The following C1RL variants were observed in gnomAD, a reference collection of about 807,000 sequenced individuals.
The protein encoded by C1RL is complement C1r subcomponent-like protein.
In C1RL, 27 loss-of-function variants were observed where a neutral mutation model predicts 27.9. The ratio of observed to expected loss-of-function variants is 0.97; its 90% confidence interval spans 0.71 to 1.33. C1RL has a LOEUF of 1.33. Among genes scored for constraint, C1RL ranks in the 40% most tolerant of loss-of-function variants. C1RL has a pLI of 0.00. For synonymous variants in C1RL, 248 were observed against 252.1 expected, an observed-to-expected ratio of 0.98 and a Z score of 0.15; for missense variants, 563 against 623.9, an observed-to-expected ratio of 0.90 and a Z score of 1.04.
At position 7,101,963 on chromosome 12, in the gene C1RL, T is replaced by C. The variant is rs1938639167; in HGVS notation, c.425A>G (p.Gln142Arg). ...GGCAGTCTTGTTCTCCGAGGAAGGC[T>C]GTGTGCGGAAGGTCAGCCGCAAACT... ...GRSLRLTFRT[Q>R]PSSENKTAHL... Residue 142 changes from glutamine (Q) to arginine (R), a missense_variant, in exon 3 of 6, where the codon CAG becomes CGG. Coordinates refer to ENST00000266542, the MANE Select transcript of C1RL (RefSeq NM_016546.4). 6 of 1,614,240 alleles carry C rather than the reference T, an allele frequency of 3.7e-6. No homozygotes were observed. The highest frequency in any genetic ancestry group is 5.1e-6 in the Non-Finnish European group (6 of 1,180,042).
At chr12:7,101,807 G>T in intron 3 of C1RL, 91 bp downstream of exon 3, 2 of 1,369,652 alleles carry the variant, frequency 1.5e-6, no homozygotes, top group Non-Finnish European at 2.1e-6. Context: ...AGCCTCAGCT[G>T]TCACTCAAGC....
At chr12:7,100,740 C>T (rs1938592187) in intron 3 of C1RL, among the ~76,000 whole-genome samples, 1 of 152,024 alleles carries the variant, frequency 6.6e-6, no homozygotes, top group African/African-American at 2.4e-5. Flanking sequence ...TGAGAAGAGA[C>T]TGCGCCACTG....
chr12:7,106,980 A>G (rs1252875357), intron 2 of C1RL, among the ~76,000 whole-genome samples: 1 of 152,188 alleles, frequency 6.6e-6, no homozygotes, highest in Non-Finnish European at 1.5e-5. Context: ...CTTATCTTCT[A>G]TACTGTAGTT....
intron 2 of C1RL, among the ~76,000 whole-genome samples, chr12:7,105,873 A>C (rs1454078154): frequency 1.3e-5 from 2 of 152,236 alleles, no homozygotes; most frequent in Non-Finnish European, 2.9e-5. Context: ...AAAGATGAGA[A>C]AATTTCCCAG....
At chr12:7,101,108 T>C (rs1938607990) in intron 3 of C1RL, among the ~76,000 whole-genome samples, 1 of 17,264 alleles carries the variant, frequency 5.8e-5, no homozygotes, top group African/African-American at 2.2e-4. Context: ...CCTCCTTCCT[T>C]CCCTCCCTCC....
intron 5 of C1RL, 144 bp downstream of exon 5, chr12:7,099,542 C>G: frequency 2.1e-6 from 3 of 1,406,542 alleles, no homozygotes; most frequent in Non-Finnish European, 2.8e-6. Context: ...CTTTTCTGGG[C>G]CTTCTTGATT....
intron 3 of C1RL, 135 bp from the exon 4 acceptor site, chr12:7,100,161 G>GT: frequency 1.1e-6 from 1 of 872,422 alleles, no homozygotes; most frequent in East Asian, 2.7e-5. Context: ...ATTTGAGTTC[G>GT]TTTTCACTGA....
chr12:7,101,316 G>T (rs1264625776), intron 3 of C1RL, among the ~76,000 whole-genome samples: 1 of 149,068 alleles, frequency 6.7e-6, no homozygotes, highest in Admixed American at 6.7e-5. Flanking sequence ...TGTCTCCCAG[G>T]CTGGAGTGCG....
At chr12:7,102,316 A>G (rs760752581) in intron 2 of C1RL, among the ~76,000 whole-genome samples, 4 of 152,166 alleles carry the variant, frequency 2.6e-5, no homozygotes, top group Non-Finnish European at 4.4e-5. Flanking sequence ...TCTTTAGCCT[A>G]CCATAATTAT....
At position 7,096,804 on chromosome 12, in the gene C1RL, G is replaced by C; in HGVS notation, c.1051C>G (p.Leu351Val). The stretch of plus-strand genomic sequence containing the variant: ...CAGACCGGGAGGACGTTGGGGCCCA[G>C]GGGGATGCTGTGCTGCAGCTCCAGG... The part of the protein sequence containing the change: ...ALLELQHSIP[L>V]GPNVLPVCLP... The change falls in exon 6 of 6, where the codon CTG (leucine) becomes GTG (valine). Residue 351 changes from leucine (L) to valine (V), a missense_variant. Physicochemically the swap from Leu to Val is conservative, Grantham distance 32 (BLOSUM62 1). Transcript: ENST00000266542. 1 of 1,605,390 alleles carries C rather than the reference G, an allele frequency of 6.2e-7. No homozygotes were observed. Among genetic ancestry groups the C allele is most frequent in the Non-Finnish European group, 8.5e-7 (1 of 1,175,220 alleles).
chr12:7,099,225 C>CAAAAAAAAAAAAA (rs1180325788), intron 5 of C1RL, among the ~76,000 whole-genome samples: 3 of 44,392 alleles, frequency 6.8e-5, no homozygotes, highest in African/African-American at 2.5e-4. Flanking sequence ...AACTCCATCC[C>CAAAAAAAAAAAAA]AAAAAAAAAA....
In C1RL at chr12:7,097,176, C is replaced by G. The variant is rs146218605; in HGVS notation, c.692-13G>C. The G allele has an allele frequency of 6.9e-4, 1,099 of 1,585,976 alleles. 6 individuals carry two copies. In the African/African-American group the frequency reaches 0.011, roughly 16 times the overall value. On this transcript the variant is annotated splice_polypyrimidine_tract_variant and intron_variant, in intron 5 of 5. Transcript: ENST00000266542. ...GGCCGTCCGCAGACTGGGAGAGAGG[C>G]GGGGTAGGGGTGACAGTCAGCAGCT...
At chr12:7,107,163 T>C (rs1024114015) in intron 2 of C1RL, among the ~76,000 whole-genome samples, 2 of 151,568 alleles carry the variant, frequency 1.3e-5, no homozygotes, top group African/African-American at 4.9e-5. Flanking sequence ...CATAAACCTT[T>C]TTAAAAACCT....
In C1RL at chr12:7,100,016, A is replaced by G; in HGVS notation, c.501T>C (p.Tyr167=). Residue 167 remains tyrosine (Y), a synonymous_variant, in exon 4 of 6, where the codon TAT becomes TAC. Coordinates refer to ENST00000266542, the MANE Select transcript of C1RL (RefSeq NM_016546.4). The stretch of plus-strand genomic sequence containing the variant: ...TGCTGGCCTCGCTGATGGGCTGACT[A>G]TAGTTCACAGCTATAGGAAAACAGC... The part of the protein sequence containing the change: ...LALYQTVAVN[Y]SQPISEASRG... The G allele has an allele frequency of 1.9e-6, 3 of 1,612,420 alleles. No homozygotes were observed. The highest frequency in any genetic ancestry group is 1.1e-5 in the South Asian group (1 of 90,576).
At chr12:7,100,072 A>C in intron 3 of C1RL, 46 bp from the exon 4 acceptor site, 1 of 1,567,324 alleles carries the variant, frequency 6.4e-7, no homozygotes, top group Non-Finnish European at 8.7e-7. Flanking sequence ...CTGGCAACCC[A>C]GGGGCTGATT....
Position 7,096,680 on chromosome 12 carries a change from G to A in C1RL, c.1175C>T (p.Ser392Leu), listed in dbSNP as rs765988783. ...CTCCCTGGGAGCTACAGGCAGCCTC[G>A]AGTACTTCAGCTCAGTAGTTAGCCA... is the stretch of plus-strand genomic sequence containing the variant. The part of the protein sequence containing the change: ...MGWLTTELKY[S>L]RLPVAPREAC... Residue 392 changes from serine (S) to leucine (L), a missense_variant, in exon 6 of 6, where the codon TCG becomes TTG. Physicochemically the swap from Ser to Leu is moderately radical, Grantham distance 145. Transcript: ENST00000266542. The A allele has an allele frequency of 5.6e-6, 9 of 1,614,092 alleles. No individual in the cohort carries two copies. The highest frequency in any genetic ancestry group is 2.2e-5 in the East Asian group (1 of 44,862).
intron 5 of C1RL, 82 bp from the exon 6 acceptor site, chr12:7,097,245 G>T: frequency 7.7e-7 from 1 of 1,302,516 alleles, no homozygotes; most frequent in Non-Finnish European, 1.0e-6. Context: ...CTGAAGTGCT[G>T]TGGTAGGGGA....
rs751217958 is a variant in C1RL at position 7,097,087 on chromosome 12, G to T, written c.768C>A (p.Phe256Leu). 33 of 1,614,112 alleles carry T rather than the reference G, an allele frequency of 2.0e-5. No individual in the cohort carries two copies. The highest frequency in any genetic ancestry group is 2.6e-5 in the Non-Finnish European group (31 of 1,179,990). The change falls in exon 6 of 6, where the codon TTC (phenylalanine) becomes TTA (leucine). Residue 256 changes from phenylalanine to leucine, a missense_variant. Coordinates refer to ENST00000266542, the MANE Select transcript of C1RL (RefSeq NM_016546.4). ...GGATACTGGTGAAGGCTTGCCAGGG[G>T]AAGTTGCCCAGCTTGGCTCTGGAAG... ...LGSSRAKLGNFPWQAFTSIHG... is the reference protein window; with the variant it reads ...LGSSRAKLGNLPWQAFTSIHG...
In C1RL at chr12:7,102,078, C is replaced by T. The variant is rs200941119; in HGVS notation, c.310G>A (p.Val104Ile). Residue 104 changes from valine (V) to isoleucine (I), a missense_variant, in exon 3 of 6, where the codon GTC becomes ATC. Transcript: ENST00000266542. ...CAGAACTGGCTTGGATCCGAACCGA[C>T]GAATGAGATCTGAAAGCGGGAGGAG... The part of the protein sequence containing the change: ...CAGDSVTISF[V>I]GSDPSQFCGQ... 47 of 1,602,724 alleles carry T rather than the reference C, an allele frequency of 2.9e-5. No individual in the cohort carries two copies. The East Asian group carries it at 7.0e-4, about 24-fold the overall frequency.
Sources: gnomAD v4.1 joint callset for allele counts (sites outside exome capture counted in the v4.1 genomes callset) on GRCh38, gnomAD v4.1.1 for gene constraint, MANE v1.5 for transcripts, NCBI Gene and HGNC (gene_info 2026-07-23, HGNC 2026-07-21) for gene names.